CACNA1D: variants seen among roughly 807,000 people sequenced by gnomAD.
CACNA1D encodes voltage-dependent L-type calcium channel subunit alpha-1D.
A neutral mutation model predicts 257.1 loss-of-function variants in CACNA1D; 55 were observed. The ratio of observed to expected loss-of-function variants is 0.21; its 90% CI spans 0.17 to 0.27. The LOEUF is 0.27. Ranked by LOEUF, CACNA1D falls within the 10% of genes least tolerant of loss-of-function variation. The pLI, the probability that CACNA1D is intolerant of heterozygous loss-of-function variation, is 1.00. For synonymous variants in CACNA1D, 980 were observed against 1,014.9 expected (o/e 0.97, Z 0.65); for missense variants, 1,876 against 2,784.0 (o/e 0.67, Z 7.34).
chr3:53,706,517 G>T lies in CACNA1D; in HGVS notation c.1390+3707G>T, dbSNP rs190412136. On this transcript the variant is annotated intron_variant, in intron 9 of 47. Coordinates refer to ENST00000350061, the MANE Select transcript of CACNA1D (RefSeq NM_001128840.3). ...GGATAAAGATATATCTCCCCATGGG[G>T]CTGTTGTGACAATTGAACGTTCTGT... Among the ~76,000 whole-genome samples, 139 of 152,336 alleles carry T rather than the reference G, an allele frequency of 9.1e-4. 1 individual carries two copies. Among genetic ancestry groups the T allele is most frequent in the African/African-American group, 3.1e-3 (130 of 41,570 alleles).
chr3:53,516,179 C>G (rs1371082804), intron 3 of CACNA1D, among the ~76,000 whole-genome samples: 3 of 152,202 alleles, frequency 2.0e-5, no homozygotes, highest in Non-Finnish European at 4.4e-5. Context: ...CATTAGTTAA[C>G]TGGTCAAGAA....
intron 3 of CACNA1D, among the ~76,000 whole-genome samples, chr3:53,626,950 C>T (rs957117340): frequency 6.6e-6 from 1 of 152,202 alleles, no homozygotes; most frequent in African/African-American, 2.4e-5. Flanking sequence ...GCGTGGGCTG[C>T]TCTCCCTACC....
chr3:53,575,237 G>T (rs1405372888), intron 3 of CACNA1D, among the ~76,000 whole-genome samples: 1 of 152,204 alleles, frequency 6.6e-6, no homozygotes, highest in Non-Finnish European at 1.5e-5. Context: ...CGGGAGCTTG[G>T]AGGAAAAGAG....
intron 3 of CACNA1D, among the ~76,000 whole-genome samples, chr3:53,502,869 G>A (rs1336185067): frequency 3.3e-5 from 5 of 152,264 alleles, no homozygotes; most frequent in East Asian, 3.9e-4. Flanking sequence ...TGGATAACAG[G>A]AAACTCTATT....
At chr3:53,617,997 G>A (rs1249423422) in intron 3 of CACNA1D, among the ~76,000 whole-genome samples, 1 of 152,206 alleles carries the variant, frequency 6.6e-6, no homozygotes, top group African/African-American at 2.4e-5. Flanking sequence ...CTGAAGGAAT[G>A]AAGAGGAGCC....
At chr3:53,702,033 TG>T (rs1264804177) in intron 8 of CACNA1D, among the ~76,000 whole-genome samples, 3 of 152,020 alleles carry the variant, frequency 2.0e-5, no homozygotes, top group Non-Finnish European at 4.4e-5. Flanking sequence ...AGAACTGGGT[TG>T]TGGAGGGGGT....
At chr3:53,518,405 G>C (rs2091426156) in intron 3 of CACNA1D, among the ~76,000 whole-genome samples, 1 of 152,086 alleles carries the variant, frequency 6.6e-6, no homozygotes. Context: ...TCTGTACCAG[G>C]CACCTTGAAG....
At chr3:53,728,383 C>T (rs1427169475) in intron 15 of CACNA1D, among the ~76,000 whole-genome samples, 1 of 152,148 alleles carries the variant, frequency 6.6e-6, no homozygotes, top group Admixed American at 6.5e-5. Context: ...AGGTGATCCG[C>T]CCGCCTTGGC....
In CACNA1D at chr3:53,803,419, G is replaced by A; in HGVS notation, c.5436-4G>A. ...GGTTCTCAGATCCTCTCTCCCAACT[G>A]CAGGTCCGACTCAGGAGATGAACAG... On this transcript the variant is annotated splice_region_variant and splice_polypyrimidine_tract_variant and intron_variant, in intron 43 of 47. Transcript: ENST00000350061. 6.2e-7 allele frequency: 1 copy of A among 1,614,162 alleles called. No individual in the cohort carries two copies. Among genetic ancestry groups the A allele is most frequent in the Non-Finnish European group, 8.5e-7 (1 of 1,180,008 alleles).
At chr3:53,517,286 A>G (rs1336272194) in intron 3 of CACNA1D, among the ~76,000 whole-genome samples, 2 of 152,024 alleles carry the variant, frequency 1.3e-5, no homozygotes, top group African/African-American at 4.8e-5. Flanking sequence ...TGCCAGTGCC[A>G]CATCTGGGAC....
chr3:53,686,115 CAAATTCCTTG>C (rs761926528), intron 8 of CACNA1D, among the ~76,000 whole-genome samples: 15 of 152,028 alleles, frequency 9.9e-5, no homozygotes, highest in Non-Finnish European at 2.1e-4. Flanking sequence ...GAGAAACAGG[CAAATTCCTTG>C]AAATACACAG....
chr3:53,591,697 C>T (rs2093308229), intron 3 of CACNA1D, among the ~76,000 whole-genome samples: 1 of 152,186 alleles, frequency 6.6e-6, no homozygotes, highest in African/African-American at 2.4e-5. Context: ...TTATAAACTA[C>T]AGTATCAAAG....
chr3:53,798,473 T>G (rs1225443734), intron 40 of CACNA1D, among the ~76,000 whole-genome samples: 1 of 152,212 alleles, frequency 6.6e-6, no homozygotes, highest in Non-Finnish European at 1.5e-5. Context: ...CCCCAAGAAC[T>G]GTCTTGGTTT....
rs760358386 is a variant in CACNA1D, at chr3:53,781,683, T to G, written c.4792+16T>G. 5.2e-6 allele frequency: 8 copies of G among 1,535,762 alleles called. No individual in the cohort carries two copies. Among genetic ancestry groups the G allele is most frequent in the Non-Finnish European group, 7.2e-6 (8 of 1,108,396 alleles). On this transcript the variant is annotated intron_variant, in intron 39 of 47. Transcript: ENST00000350061. ...CCAGCTGGTGGTCAGTGCAGTCTAT[T>G]TCCTAAGTAGTCCTTGGCCAGTGCT...
In CACNA1D at chr3:53,589,412, C is replaced by T. The variant is rs543399626; in HGVS notation, c.484-61367C>T. On this transcript the variant is annotated intron_variant, in intron 3 of 47. Transcript: ENST00000350061. ...TGTGGCTGTCCCTGCAGCATTTGGA[C>T]GAACTCCCGCCAAGAGGAAGCCTGG... is the stretch of plus-strand genomic sequence containing the variant. Among the ~76,000 whole-genome samples, 138 of 152,146 alleles carry T rather than the reference C, an allele frequency of 9.1e-4. 1 individual carries two copies. The highest frequency in any genetic ancestry group is 3.5e-3 in the South Asian group (17 of 4,812).
At chr3:53,577,308 G>A (rs946051788) in intron 3 of CACNA1D, among the ~76,000 whole-genome samples, 9 of 152,148 alleles carry the variant, frequency 5.9e-5, no homozygotes, top group African/African-American at 2.2e-4. Context: ...CTCAGGTGGT[G>A]CTCGATTCCA....
chr3:53,670,578 A>G (rs564825478), intron 7 of CACNA1D, among the ~76,000 whole-genome samples: 13 of 152,150 alleles, frequency 8.5e-5, no homozygotes, highest in Admixed American at 2.6e-4. Flanking sequence ...TCCCAAACTC[A>G]GGGTGATCCA....
intron 3 of CACNA1D, among the ~76,000 whole-genome samples, chr3:53,544,757 G>A (rs187462171): frequency 3.4e-4 from 52 of 152,334 alleles, no homozygotes; most frequent in Non-Finnish European, 5.3e-4. Context: ...TGGTTTGAGG[G>A]TAGTGGGGCA....
At chr3:53,608,175 A>G (rs905307873) in intron 3 of CACNA1D, among the ~76,000 whole-genome samples, 2 of 152,112 alleles carry the variant, frequency 1.3e-5, no homozygotes, top group African/African-American at 4.8e-5. Context: ...AATTTTTTTC[A>G]ATAATGTTTT....
Sources: allele counts gnomAD v4.1 joint callset (sites outside exome capture counted in the v4.1 genomes callset), GRCh38; gene constraint gnomAD v4.1.1; transcripts MANE v1.5; gene names NCBI Gene and HGNC (gene_info 2026-07-23, HGNC 2026-07-21).